CDH11: variants seen among roughly 807,000 people sequenced by gnomAD.
CDH11 encodes the protein cadherin-11.
In CDH11, 11 loss-of-function variants were observed where a neutral mutation model predicts 67.8. That is an observed-to-expected ratio of 0.16 (90% CI 0.10 to 0.27). The LOEUF is 0.27. CDH11 is among the 10% of genes least tolerant of loss of function. The probability of loss-of-function intolerance (pLI) is 1.00; values close to 1 mark genes in which losing one functional copy is unlikely to be tolerated. For missense variants in CDH11, 847 were observed against 1,031.2 expected (o/e 0.82, Z 2.45); for synonymous variants, 419 against 400.0 (o/e 1.05, Z -0.57).
intron 2 of CDH11, among the ~76,000 whole-genome samples, chr16:65,029,265 T>C (rs2073593170): frequency 6.6e-6 from 1 of 152,086 alleles, no homozygotes; most frequent in African/African-American, 2.4e-5. Context: ...AGATGTCACT[T>C]AGAGAAAACT....
chr16:65,117,075 G>A (rs1410319406), intron 1 of CDH11, among the ~76,000 whole-genome samples: 1 of 152,146 alleles, frequency 6.6e-6, no homozygotes, highest in Non-Finnish European at 1.5e-5. Context: ...ATTTAAAATT[G>A]CCCCTTTTAA....
chr16:65,118,738 GAAAA>G (rs1391530031), intron 1 of CDH11: 1 of 151,954 alleles, frequency 6.6e-6, no homozygotes, highest in Non-Finnish European at 1.5e-5. Context: ...GACAATTCAA[GAAAA>G]AAAGTTTGAT....
At chr16:65,110,184 C>A (rs898459522) in intron 1 of CDH11, among the ~76,000 whole-genome samples, 2 of 152,098 alleles carry the variant, frequency 1.3e-5, no homozygotes, top group African/African-American at 4.8e-5. Flanking sequence ...TCAATGTTTA[C>A]TAAAACCTCC....
At chr16:65,043,875 C>T (rs1017238956) in intron 2 of CDH11, among the ~76,000 whole-genome samples, 20 of 152,162 alleles carry the variant, frequency 1.3e-4, no homozygotes, top group South Asian at 4.2e-4. Context: ...CCACATATTA[C>T]GTGTGACTCT....
intron 11 of CDH11, among the ~76,000 whole-genome samples, chr16:64,969,474 G>A (rs2071940754): frequency 6.6e-6 from 1 of 152,156 alleles, no homozygotes; most frequent in African/African-American, 2.4e-5. Context: ...AAAGATGGTG[G>A]CTAATAGTCA....
At chr16:65,044,808 C>G (rs1459083122) in intron 2 of CDH11, among the ~76,000 whole-genome samples, 1 of 152,176 alleles carries the variant, frequency 6.6e-6, no homozygotes, top group Non-Finnish European at 1.5e-5. Context: ...AAGGACTTAG[C>G]AATTTATCCT....
In CDH11 at chr16:65,032,578, A is replaced by G. The variant is rs190384597; in HGVS notation, c.-173+21226T>C. ...GTAACCTAAATTTGACCCCAGCTAT[A>G]AGAAATAAACCCAAACACATGTGCC... On this transcript the variant is annotated intron_variant, in intron 2 of 12. Coordinates refer to ENST00000268603, the MANE Select transcript of CDH11 (RefSeq NM_001797.4). Among the ~76,000 whole-genome samples the G allele has an allele frequency of 4.6e-5, 7 of 152,274 alleles. No individual in the cohort carries two copies. In the East Asian group the frequency reaches 1.4e-3, roughly 29 times the overall value.
chr16:65,005,048 G>A lies in CDH11; in HGVS notation c.-172-7C>T. On this transcript the variant is annotated splice_region_variant and splice_polypyrimidine_tract_variant and intron_variant, in intron 2 of 12. Transcript: ENST00000268603. The stretch of plus-strand genomic sequence containing the variant: ...CCACGTCCCCAGTTAGCTTCTGCAA[G>A]CAGAGAGAGGTTGGATTAACTGCAG... 7.5e-7 allele frequency: 1 copy of A among 1,340,698 alleles called. No homozygotes were observed. The highest frequency in any genetic ancestry group is 9.5e-7 in the Non-Finnish European group (1 of 1,048,320). The allele number at this position is 1,340,698 out of a possible 1,614,324, so 83.1% of individuals were successfully genotyped here.
rs1336710533 is a variant in CDH11 at position 64,946,163 on chromosome 16, C to T, written c.*1440G>A. On this transcript the variant is annotated 3_prime_UTR_variant, in exon 13 of 13. Coordinates refer to ENST00000268603, the MANE Select transcript of CDH11 (RefSeq NM_001797.4). Reference sequence around the variant, plus strand: ...CTAAACAAAGCTTTTTTAAATGAATCGCCCATTCTCATTAAAACATAAAAT... The same window carrying T: ...CTAAACAAAGCTTTTTTAAATGAATTGCCCATTCTCATTAAAACATAAAAT... 1.4e-5 allele frequency: 15 copies of T among 1,052,778 alleles called. No homozygotes were observed. Among genetic ancestry groups the T allele is most frequent in the African/African-American group, 6.6e-5 (4 of 60,358 alleles). 65.2% of individuals were successfully genotyped at this position (1,052,778 alleles called of 1,614,324 possible). A position where few individuals can be genotyped will look rare whatever the true frequency, so the allele number is the denominator to read the frequency against.
chr16:64,993,938 A>G (rs2142498411), intron 4 of CDH11, among the ~76,000 whole-genome samples: 1 of 152,334 alleles, frequency 6.6e-6, no homozygotes, highest in East Asian at 1.9e-4. Context: ...CTACTGTATT[A>G]GTGAGAAATT....
At chr16:64,998,489 G>T in intron 4 of CDH11, 73 bp downstream of exon 4, 1 of 1,404,848 alleles carries the variant, frequency 7.1e-7, no homozygotes, top group Non-Finnish European at 9.8e-7. Flanking sequence ...TGATTTGGGA[G>T]AACGGGCTTC....
chr16:65,023,511 G>A (rs905181989), intron 2 of CDH11, among the ~76,000 whole-genome samples: 1 of 152,216 alleles, frequency 6.6e-6, no homozygotes, highest in Non-Finnish European at 1.5e-5. Flanking sequence ...ACAGAGTAAA[G>A]TGAAAGCAAG....
intron 7 of CDH11, chr16:64,986,162 C>A (rs2072481967): frequency 6.6e-6 from 1 of 152,000 alleles, no homozygotes; most frequent in Non-Finnish European, 1.5e-5. Context: ...CATATTTTTA[C>A]TCTGTTAAAT....
chr16:64,987,742 A>C (rs2072522583), intron 7 of CDH11: 1 of 154,932 alleles, frequency 6.5e-6, no homozygotes. Context: ...CCAGCAATGC[A>C]GTGAATCTTG....
At chr16:65,067,796 G>A (rs554126597) in intron 1 of CDH11, among the ~76,000 whole-genome samples, 5 of 140,362 alleles carry the variant, frequency 3.6e-5, no homozygotes, top group African/African-American at 1.1e-4. Flanking sequence ...AGAGAGAGAG[G>A]AAGGAAAGAA....
intron 11 of CDH11, among the ~76,000 whole-genome samples, chr16:64,970,075 G>GAACAAA (rs2071961349): frequency 1.3e-5 from 2 of 152,246 alleles, no homozygotes; most frequent in African/African-American, 4.8e-5. Flanking sequence ...TGAAACAGGG[G>GAACAAA]TTGTTTCGTA....
At chr16:65,065,639 T>C (rs1372092980) in intron 1 of CDH11, among the ~76,000 whole-genome samples, 3 of 151,494 alleles carry the variant, frequency 2.0e-5, no homozygotes, top group East Asian at 3.9e-4. Context: ...TTAAACATAG[T>C]GGAAAGATAA....
At chr16:64,960,372 A>T (rs1187280115) in intron 11 of CDH11, among the ~76,000 whole-genome samples, 1 of 152,164 alleles carries the variant, frequency 6.6e-6, no homozygotes, top group Non-Finnish European at 1.5e-5. Flanking sequence ...CTTTTAATTT[A>T]TGCATTTAGT....
At chr16:65,054,864 C>T (rs2074117413) in intron 1 of CDH11, among the ~76,000 whole-genome samples, 1 of 152,190 alleles carries the variant, frequency 6.6e-6, no homozygotes, top group Admixed American at 6.5e-5. Flanking sequence ...TTCCAAATCT[C>T]TTTCCTTGTT....
Sources: allele counts gnomAD v4.1 joint callset (sites outside exome capture counted in the v4.1 genomes callset), GRCh38; gene constraint gnomAD v4.1.1; transcripts MANE v1.5; gene names NCBI Gene and HGNC (gene_info 2026-07-23, HGNC 2026-07-21).